The following LPXN variants were observed in gnomAD, a reference collection of about 807,000 sequenced individuals.
The protein encoded by LPXN is leupaxin.
LPXN carries 28 observed loss-of-function variants against 45.6 expected under a neutral mutation model. The ratio of observed to expected loss-of-function variants is 0.61; its 90% CI spans 0.45 to 0.84. The LOEUF is 0.84. Among genes scored for constraint, LPXN ranks in the 40% least tolerant of loss-of-function variants. The pLI, the probability that LPXN is intolerant of heterozygous loss-of-function variation, is 0.00. For synonymous variants in LPXN, 166 were observed against 169.9 expected, an observed-to-expected ratio of 0.98 and a Z score of 0.18; for missense variants, 459 against 475.0, an observed-to-expected ratio of 0.97 and a Z score of 0.31.
At chr11:58,576,669 A>T (rs1345067336), upstream of LPXN, among the ~76,000 whole-genome samples, 2 of 152,226 alleles carry the variant, frequency 1.3e-5, no homozygotes, top group African/African-American at 4.8e-5. Flanking sequence ...CTTTTTACCA[A>T]TGGTGAAATA....
Position 58,527,463 on chromosome 11 carries a change from G to C in LPXN, c.1152C>G (p.Phe384Leu). The C allele has an allele frequency of 6.2e-7, 1 of 1,614,146 alleles. No homozygotes were observed. The highest frequency in any genetic ancestry group is 8.5e-7 in the Non-Finnish European group (1 of 1,180,012). Residue 384 changes from phenylalanine to leucine, a missense_variant, in exon 9 of 9, where the codon TTC becomes TTG. By Grantham distance (22) the Phe-to-Leu change is conservative (BLOSUM62 0). Transcript: ENST00000395074. ...TATGGATCAGTTGGCATTACAGTGG[G>C]AAGAGCTTATTGAAGCAAGGTTGAC... ...TYCQPCFNKL[F>L]PL
chr11:58,577,443 A>T (rs1447458462), upstream of LPXN, among the ~76,000 whole-genome samples: 5 of 152,234 alleles, frequency 3.3e-5, no homozygotes, highest in Non-Finnish European at 7.3e-5. Flanking sequence ...TGTGAAATTT[A>T]AAATTGGATC....
intron 3 of LPXN, among the ~76,000 whole-genome samples, chr11:58,555,773 C>A (rs1002891212): frequency 1.7e-4 from 16 of 96,466 alleles, no homozygotes; most frequent in Non-Finnish European, 2.8e-4. Flanking sequence ...CACATGCACA[C>A]ACACACACAC....
At chr11:58,560,757 C>T (rs1854350041) in intron 3 of LPXN, among the ~76,000 whole-genome samples, 1 of 152,132 alleles carries the variant, frequency 6.6e-6, no homozygotes, top group Admixed American at 6.6e-5. Flanking sequence ...ATACAGTTGG[C>T]AAGTAACAAA....
chr11:58,549,462 A>C (rs200460447), intron 7 of LPXN, among the ~76,000 whole-genome samples: 7 of 152,210 alleles, frequency 4.6e-5, no homozygotes, highest in African/African-American at 1.7e-4. Flanking sequence ...GAAACAGCTA[A>C]AATAATTTGG....
At chr11:58,561,141 T>C (rs1480451360) in intron 3 of LPXN, among the ~76,000 whole-genome samples, 1 of 152,190 alleles carries the variant, frequency 6.6e-6, no homozygotes, top group East Asian at 1.9e-4. Flanking sequence ...CTTTTCTCTC[T>C]CTCTCTCTGC....
At chr11:58,553,010 T>A (rs1187323421) in intron 4 of LPXN, among the ~76,000 whole-genome samples, 1 of 152,158 alleles carries the variant, frequency 6.6e-6, no homozygotes, top group Non-Finnish European at 1.5e-5. Context: ...GCACTTTTGA[T>A]TTGTGTACAA....
chr11:58,563,244 G>A (rs919903991), intron 3 of LPXN, among the ~76,000 whole-genome samples: 4 of 152,160 alleles, frequency 2.6e-5, no homozygotes, highest in Admixed American at 1.3e-4. Flanking sequence ...TTCAGGGACT[G>A]GGGAGGGACT....
At chr11:58,557,412 G>C (rs12282976) in intron 3 of LPXN, among the ~76,000 whole-genome samples, 1,663 of 152,282 alleles carry the variant, frequency 0.011, 38 homozygotes, top group African/African-American at 0.038. Context: ...ATTTGTCATA[G>C]CATTGATGAA....
chr11:58,578,065 C>T (rs1253472985), upstream of LPXN: 1 of 1,550,086 alleles, frequency 6.5e-7, no homozygotes, highest in Admixed American at 2.0e-5. Context: ...GCTAGCCAGT[C>T]CCAGAGGAGG....
chr11:58,527,958 AC>A, intron 8 of LPXN, 84 bp downstream of exon 8: 1 of 1,457,130 alleles, frequency 6.9e-7, no homozygotes, highest in Non-Finnish European at 9.4e-7. Context: ...AGGACTGTGA[AC>A]CCTTTCACTA....
At chr11:58,574,724 C>T (rs971196235) in intron 1 of LPXN, among the ~76,000 whole-genome samples, 1 of 152,154 alleles carries the variant, frequency 6.6e-6, no homozygotes, top group East Asian at 1.9e-4. Flanking sequence ...TAGACTTTAC[C>T]TCCAAAGCAG....
intron 3 of LPXN, among the ~76,000 whole-genome samples, chr11:58,561,535 C>T (rs1854377172): frequency 6.6e-6 from 1 of 152,198 alleles, no homozygotes; most frequent in Non-Finnish European, 1.5e-5. Flanking sequence ...AGAAGGTACA[C>T]TGGAGCTTTT....
At position 58,554,860 on chromosome 11, in the gene LPXN, A is replaced by T; in HGVS notation, c.299T>A (p.Leu100Gln). 1 of 1,613,890 alleles carries T rather than the reference A, an allele frequency of 6.2e-7. No individual in the cohort carries two copies. The highest frequency in any genetic ancestry group is 8.5e-7 in the Non-Finnish European group (1 of 1,179,928). Residue 100 changes from leucine (L) to glutamine (Q), a missense_variant, in exon 4 of 9, where the codon CTG (leucine) becomes CAG (glutamine). Coordinates refer to ENST00000395074, the MANE Select transcript of LPXN (RefSeq NM_004811.3). ...ACTCACCTTGGCCTGCATCTCAGTC[A>T]GGTGAGCCATGAGCTCATCCAACTG... ...AAQLDELMAH[L>Q]TEMQAKVAVR...
chr11:58,536,114 C>T (rs1332432029), intron 7 of LPXN, among the ~76,000 whole-genome samples: 2 of 152,196 alleles, frequency 1.3e-5, no homozygotes, highest in African/African-American at 4.8e-5. Flanking sequence ...AATGCTATCC[C>T]CATCAAGCTA....
chr11:58,549,284 C>T (rs1322089761), intron 7 of LPXN, among the ~76,000 whole-genome samples: 1 of 152,086 alleles, frequency 6.6e-6, no homozygotes, highest in Non-Finnish European at 1.5e-5. Flanking sequence ...GTCCCAGCTA[C>T]TTGGGAGGCT....
chr11:58,572,967 G>A (rs551982028), intron 1 of LPXN, among the ~76,000 whole-genome samples: 7 of 152,196 alleles, frequency 4.6e-5, no homozygotes, highest in South Asian at 2.1e-4. Context: ...CAAATAGGCC[G>A]GGCATGGTGG....
At chr11:58,543,166 C>T (rs1443026709) in intron 7 of LPXN, among the ~76,000 whole-genome samples, 2 of 152,116 alleles carry the variant, frequency 1.3e-5, no homozygotes, top group Non-Finnish European at 2.9e-5. Context: ...CTGTTTGTCT[C>T]CTCCACCAGA....
In LPXN at chr11:58,538,172, C is replaced by T. The variant is rs928537433; in HGVS notation, c.743-9981G>A. 7.9e-5 allele frequency among the ~76,000 whole-genome samples: 12 copies of T among 152,150 alleles called. No homozygotes were observed. The East Asian group carries it at 9.6e-4, about 12-fold the overall frequency. Reference sequence around the variant, plus strand: ...CACATTTTCTTAATCCAGTCTATCACTGATGGACATTTGGGTTGGTTCCAA... The same window carrying T: ...CACATTTTCTTAATCCAGTCTATCATTGATGGACATTTGGGTTGGTTCCAA... On this transcript the variant is annotated intron_variant, in intron 7 of 8. Coordinates refer to ENST00000395074, the MANE Select transcript of LPXN (RefSeq NM_004811.3).
Sources: allele counts gnomAD v4.1 joint callset (sites outside exome capture counted in the v4.1 genomes callset), GRCh38; gene constraint gnomAD v4.1.1; transcripts MANE v1.5; gene names NCBI Gene and HGNC (gene_info 2026-07-23, HGNC 2026-07-21).